The following IL23R variants were observed in gnomAD, a reference collection of about 807,000 sequenced individuals.
The protein encoded by IL23R is interleukin-23 receptor.
A neutral mutation model predicts 56.9 loss-of-function variants in IL23R; 34 were observed. That is an observed-to-expected ratio of 0.60 (90% CI 0.45 to 0.80). IL23R has a LOEUF of 0.80. Ranked by LOEUF, IL23R falls within the 30% of genes least tolerant of loss-of-function variation. IL23R has a pLI of 0.00. For missense variants in IL23R, 635 were observed against 730.0 expected (o/e 0.87, Z 1.50); for synonymous variants, 230 against 249.2 (o/e 0.92, Z 0.73).
At position 67,219,239 on chromosome 1, in the gene IL23R, A is replaced by G. The variant is rs888584457; in HGVS notation, c.799-335A>G. Among the ~76,000 whole-genome samples, 6 of 152,132 alleles carry G rather than the reference A, an allele frequency of 3.9e-5. No individual in the cohort carries two copies. In the East Asian group the frequency reaches 1.2e-3, roughly 30 times the overall value. ...AAAAAGTAGCCAGGTGTTGTAGTGC[A>G]TGACTGTAATCCCAGTTACTTGGGA... On this transcript the variant is annotated intron_variant, in intron 6 of 10. Transcript: ENST00000347310.
At chr1:67,171,153 G>C (rs993550468) in intron 3 of IL23R, among the ~76,000 whole-genome samples, 1 of 152,038 alleles carries the variant, frequency 6.6e-6, no homozygotes, top group African/African-American at 2.4e-5. Context: ...TTTGGGGGTG[G>C]GAGTTGGGTA....
intron 8 of IL23R, among the ~76,000 whole-genome samples, chr1:67,237,590 G>A (rs1376582694): frequency 1.3e-5 from 2 of 152,146 alleles, no homozygotes; most frequent in Non-Finnish European, 2.9e-5. Flanking sequence ...CAATGTCCTG[G>A]AGTCTATTGT....
chr1:67,220,952 C>T (rs1470385594), intron 7 of IL23R, among the ~76,000 whole-genome samples: 3 of 152,190 alleles, frequency 2.0e-5, no homozygotes, highest in Non-Finnish European at 4.4e-5. Flanking sequence ...CAGTGAGCCA[C>T]GTTCATGCCA....
intron 9 of IL23R, among the ~76,000 whole-genome samples, chr1:67,249,659 A>G (rs771327463): frequency 9.8e-5 from 15 of 152,314 alleles, no homozygotes; most frequent in South Asian, 2.1e-4. Flanking sequence ...GTAACTAAAC[A>G]TGTCAGATAA....
At chr1:67,207,981 G>C (rs116360994) in intron 6 of IL23R, among the ~76,000 whole-genome samples, 1,545 of 152,290 alleles carry the variant, frequency 0.01, 14 homozygotes, top group Non-Finnish European at 0.016. Flanking sequence ...TAAAATCTAG[G>C]CTGGGGTGGT....
At chr1:67,185,132 G>A (rs1647255506) in intron 4 of IL23R, among the ~76,000 whole-genome samples, 1 of 152,176 alleles carries the variant, frequency 6.6e-6, no homozygotes, top group Non-Finnish European at 1.5e-5. Flanking sequence ...TATTTGTATG[G>A]CAGCTCAAAG....
chr1:67,222,300 A>G (rs1437879898), intron 7 of IL23R, among the ~76,000 whole-genome samples: 1 of 151,650 alleles, frequency 6.6e-6, no homozygotes, highest in East Asian at 1.9e-4. Flanking sequence ...TATTTTTAAT[A>G]GAGGCGGGGT....
chr1:67,217,075 T>A (rs1351022807), intron 6 of IL23R, among the ~76,000 whole-genome samples: 1 of 152,158 alleles, frequency 6.6e-6, no homozygotes. Flanking sequence ...ATTATAGAAC[T>A]CTAACTAGGT....
Position 67,173,131 on chromosome 1 carries a change from T to A in IL23R, c.367+3493T>A, listed in dbSNP as rs61780305. ...AAGCCCCCTTTTGTATACCTCAGAG[T>A]ATTCTCTAGTATCTAGTTGTATAGC... On this transcript the variant is annotated intron_variant, in intron 3 of 10. Coordinates refer to ENST00000347310, the MANE Select transcript of IL23R (RefSeq NM_144701.3). Among the ~76,000 whole-genome samples, 1,408 of 152,034 alleles carry A rather than the reference T, an allele frequency of 9.3e-3. 7 individuals are homozygous for A. Among genetic ancestry groups the A allele is most frequent in the Non-Finnish European group, 0.014 (977 of 67,950 alleles).
intron 6 of IL23R, among the ~76,000 whole-genome samples, chr1:67,208,656 A>T (rs1203554165): frequency 6.6e-6 from 1 of 152,184 alleles, no homozygotes; most frequent in Non-Finnish European, 1.5e-5. Flanking sequence ...ATTTCAGAAG[A>T]TGTATGGAAA....
chr1:67,203,861 G>A (rs1447697287), intron 5 of IL23R, among the ~76,000 whole-genome samples: 1 of 152,132 alleles, frequency 6.6e-6, no homozygotes, highest in Non-Finnish European at 1.5e-5. Flanking sequence ...GCATATGAGA[G>A]GAATGCTTTT....
chr1:67,195,676 C>T (rs1558237756), intron 4 of IL23R, among the ~76,000 whole-genome samples: 1 of 152,060 alleles, frequency 6.6e-6, no homozygotes, highest in African/African-American at 2.4e-5. Flanking sequence ...GCACTGGAAC[C>T]GAAAAACCTG....
chr1:67,228,011 TTTC>T lies in IL23R; in HGVS notation c.955+8284_955+8286del, dbSNP rs1558254036. Among the ~76,000 whole-genome samples, 14 of 96,254 alleles carry T rather than the reference TTTC, an allele frequency of 1.5e-4. 1 individual carries two copies. The highest frequency in any genetic ancestry group is 3.4e-4 in the African/African-American group (8 of 23,340). The allele number at this position is 96,254 out of a possible 152,430, so 63.1% of individuals were successfully genotyped here. A position where few individuals can be genotyped will look rare whatever the true frequency, so the allele number is the denominator to read the frequency against. On this transcript the variant is annotated intron_variant, in intron 7 of 10. Coordinates refer to ENST00000347310, the MANE Select transcript of IL23R (RefSeq NM_144701.3). ...CTTTCTTTCTTTCTTTCTTTCTTTC[TTTC>T]TTTCTTCCTTTCTTTCTTTTCTTTC...
intron 6 of IL23R, 53 bp downstream of exon 6, chr1:67,207,108 A>ACTGATGGTTGGCTTTT: frequency 6.4e-7 from 1 of 1,558,874 alleles, no homozygotes; most frequent in Non-Finnish European, 8.8e-7. Flanking sequence ...TTTAAAAGCC[A>ACTGATGGTTGGCTTTT]ACCATCAGTG....
At position 67,221,971 on chromosome 1, in the gene IL23R, C is replaced by T. The variant is rs1319451216; in HGVS notation, c.955+2241C>T. Among the ~76,000 whole-genome samples, 5 of 151,742 alleles carry T rather than the reference C, an allele frequency of 3.3e-5. No homozygotes were observed. The East Asian group carries it at 9.7e-4, about 29-fold the overall frequency. On this transcript the variant is annotated intron_variant, in intron 7 of 10. Transcript: ENST00000347310. Reference sequence around the variant, plus strand: ...GATTGCTTGAGCCTAGGAGTTCAAACCCAGCCTGGGCAATATAGTGAGACT... The same window carrying T: ...GATTGCTTGAGCCTAGGAGTTCAAATCCAGCCTGGGCAATATAGTGAGACT...
downstream of IL23R, among the ~76,000 whole-genome samples, chr1:67,263,531 C>A (rs969014472): frequency 9.9e-5 from 15 of 152,104 alleles, no homozygotes; most frequent in Non-Finnish European, 2.1e-4. Context: ...TAGTCATTCT[C>A]CCTTTGACAT....
rs551635986 is a variant in IL23R, at chr1:67,184,272, G to A, written c.491+1313G>A. 1.2e-4 allele frequency among the ~76,000 whole-genome samples: 17 copies of A among 146,930 alleles called. No individual in the cohort carries two copies. In the South Asian group the frequency reaches 1.3e-3, roughly 11 times the overall value. ...AAATAAAATAAGATGCCGGCTGGGC[G>A]CGGTGGCTCCCGCCTGTAATCCCAG... On this transcript the variant is annotated intron_variant, in intron 4 of 10. Coordinates refer to ENST00000347310, the MANE Select transcript of IL23R (RefSeq NM_144701.3).
intron 10 of IL23R, among the ~76,000 whole-genome samples, 173 bp from the exon 11 acceptor site, chr1:67,258,305 C>G (rs769438929): frequency 6.6e-6 from 1 of 151,726 alleles, no homozygotes; most frequent in Non-Finnish European, 1.5e-5. Flanking sequence ...GATTTGGAAG[C>G]AAGCAGGATA....
intron 1 of IL23R, among the ~76,000 whole-genome samples, chr1:67,161,228 T>C (rs913024367): frequency 1.3e-5 from 2 of 152,210 alleles, no homozygotes; most frequent in Non-Finnish European, 2.9e-5. Flanking sequence ...CGTACATCAG[T>C]AGGCCAGTCA....
Sources: gnomAD v4.1 joint callset for allele counts (sites outside exome capture counted in the v4.1 genomes callset) on GRCh38, gnomAD v4.1.1 for gene constraint, MANE v1.5 for transcripts, NCBI Gene and HGNC (gene_info 2026-07-23, HGNC 2026-07-21) for gene names.